PSMA1: variants seen among roughly 807,000 people sequenced by gnomAD.
PSMA1 encodes the protein proteasome subunit alpha type-1.
A neutral mutation model predicts 38.4 loss-of-function variants in PSMA1; 3 were observed. The ratio of observed to expected loss-of-function variants is 0.08; its 90% CI spans 0.04 to 0.20. The LOEUF is 0.20. Among genes scored for constraint, PSMA1 ranks in the 10% least tolerant of loss-of-function variants. The pLI is 1.00. For synonymous variants in PSMA1, 101 were observed against 107.1 expected (o/e 0.94, Z 0.35); for missense variants, 227 against 325.3 (o/e 0.70, Z 2.32).
At chr11:14,616,792 G>C (rs1347665836) in intron 1 of PSMA1, among the ~76,000 whole-genome samples, 1 of 152,088 alleles carries the variant, frequency 6.6e-6, no homozygotes, top group Non-Finnish European at 1.5e-5. Context: ...TTAAGCAACT[G>C]ACCCAAAGTC....
At chr11:14,509,534 A>G (rs1343852753) in intron 8 of PSMA1, among the ~76,000 whole-genome samples, 1 of 147,420 alleles carries the variant, frequency 6.8e-6, no homozygotes, top group Non-Finnish European at 1.5e-5. Context: ...TTTGTCACCC[A>G]GGCTGGAGTG....
Position 14,532,672 on chromosome 11 carries a change from G to T in PSMA1, c.22-13631C>A, listed in dbSNP as rs1188920362. ...CAATAAAGACAATATGATTGGCCAG[G>T]CTAGGTGGCTCATGCCTGTAATCCC... On this transcript the variant is annotated intron_variant, in intron 2 of 10. Transcript: ENST00000418988. 2.7e-5 allele frequency among the ~76,000 whole-genome samples: 4 copies of T among 150,630 alleles called. No homozygotes were observed. In the South Asian group the frequency reaches 8.4e-4, roughly 32 times the overall value.
At chr11:14,505,842 TAAAA>T (rs1457982856) in intron 9 of PSMA1, among the ~76,000 whole-genome samples, 4 of 151,920 alleles carry the variant, frequency 2.6e-5, no homozygotes, top group African/African-American at 9.7e-5. Flanking sequence ...CCATCTCTAC[TAAAA>T]AGAAAAAAAA....
intron 2 of PSMA1, among the ~76,000 whole-genome samples, chr11:14,562,566 T>C (rs1421955503): frequency 6.6e-6 from 1 of 152,208 alleles, no homozygotes. Context: ...TTTAAATCCA[T>C]GAAAGAGTTC....
chr11:14,531,241 T>C (rs955978504), intron 2 of PSMA1, among the ~76,000 whole-genome samples: 6 of 152,312 alleles, frequency 3.9e-5, no homozygotes, highest in African/African-American at 1.4e-4. Flanking sequence ...GATTTCATCA[T>C]GCACATAGTG....
intron 2 of PSMA1, among the ~76,000 whole-genome samples, chr11:14,536,864 C>T (rs1851715552): frequency 1.3e-5 from 2 of 152,332 alleles, no homozygotes; most frequent in East Asian, 3.9e-4. Context: ...ATCCGCCCGC[C>T]TCGGCCTCCC....
chr11:14,574,606 G>A (rs1220246571), intron 2 of PSMA1, among the ~76,000 whole-genome samples: 1 of 152,150 alleles, frequency 6.6e-6, no homozygotes, highest in Non-Finnish European at 1.5e-5. Context: ...AATGATGGGG[G>A]TGGTTACCCC....
chr11:14,519,286 C>T (rs1344984429), intron 1 of PSMA1: 11 of 555,436 alleles, frequency 2.0e-5, no homozygotes, highest in South Asian at 1.1e-4. Context: ...TAACACCCTC[C>T]ATATCAACCC....
chr11:14,567,817 CTAA>C (rs1852090395), intron 2 of PSMA1, among the ~76,000 whole-genome samples: 1 of 152,060 alleles, frequency 6.6e-6, no homozygotes, highest in Non-Finnish European at 1.5e-5. Flanking sequence ...ACAATGATTC[CTAA>C]TAATAGCGTT....
chr11:14,602,682 G>A lies in PSMA1; in HGVS notation c.21+8284C>T, dbSNP rs1476923752. ...AAAGTTTAAATAAATAAACTTGGAT[G>A]TGCAAGACAAGAGGCTGCAGATACT... On this transcript the variant is annotated intron_variant, in intron 2 of 10. Transcript: ENST00000418988. Among the ~76,000 whole-genome samples the A allele has an allele frequency of 3.3e-5, 5 of 152,164 alleles. No individual in the cohort carries two copies. In the East Asian group the frequency reaches 9.6e-4, roughly 29 times the overall value.
exon 2 of PSMA1, chr11:14,611,016 A>G (rs757218283): frequency 6.2e-6 from 10 of 1,606,488 alleles, no homozygotes; most frequent in Non-Finnish European, 6.0e-6. Context: ...CACCTAGTAG[A>G]CCAACATACA....
chr11:14,579,533 C>T (rs1183487416), intron 2 of PSMA1, among the ~76,000 whole-genome samples: 1 of 143,764 alleles, frequency 7.0e-6, no homozygotes, highest in Non-Finnish European at 1.5e-5. Context: ...TTAACAGGGG[C>T]CAAGTATTAG....
At chr11:14,598,871 G>A (rs1338232937) in intron 2 of PSMA1, among the ~76,000 whole-genome samples, 1 of 151,798 alleles carries the variant, frequency 6.6e-6, no homozygotes, top group East Asian at 1.9e-4. Context: ...TTTTTGCAGT[G>A]GCTGGTACCG....
chr11:14,614,424 G>T, intron 1 of PSMA1, among the ~76,000 whole-genome samples: 1 of 151,324 alleles, frequency 6.6e-6, no homozygotes. Context: ...ATAATGAATT[G>T]TTCTTCTTCA....
intron 2 of PSMA1, among the ~76,000 whole-genome samples, chr11:14,557,829 C>G (rs1270055084): frequency 1.3e-5 from 2 of 152,110 alleles, no homozygotes; most frequent in Non-Finnish European, 2.9e-5. Context: ...GGGATCTAAA[C>G]GGTCATTATA....
chr11:14,520,093 C>T, intron 1 of PSMA1: 2 of 738,094 alleles, frequency 2.7e-6, no homozygotes, highest in Non-Finnish European at 4.5e-6. Flanking sequence ...GAAGCGAAAG[C>T]GGTGGAAAGG....
chr11:14,577,307 G>C (rs1852230372), intron 2 of PSMA1, among the ~76,000 whole-genome samples: 2 of 152,152 alleles, frequency 1.3e-5, no homozygotes, highest in Admixed American at 1.3e-4. Flanking sequence ...AAACAATTAA[G>C]TAATCTGCTC....
intron 1 of PSMA1, among the ~76,000 whole-genome samples, chr11:14,627,647 GATT>G (rs1852930954): frequency 1.3e-5 from 2 of 152,198 alleles, no homozygotes; most frequent in African/African-American, 4.8e-5. Context: ...TAAAAATGAG[GATT>G]ATTATTTCTA....
chr11:14,598,061 T>G (rs1852524460), intron 2 of PSMA1, among the ~76,000 whole-genome samples: 1 of 152,144 alleles, frequency 6.6e-6, no homozygotes, highest in Non-Finnish European at 1.5e-5. Flanking sequence ...GTGTGGTTTT[T>G]AGTCATTTTC....
Sources: allele counts gnomAD v4.1 joint callset (sites outside exome capture counted in the v4.1 genomes callset), GRCh38; gene constraint gnomAD v4.1.1; transcripts MANE v1.5; gene names NCBI Gene and HGNC (gene_info 2026-07-23, HGNC 2026-07-21).